The following GBE1 variants were observed in gnomAD, a reference collection of about 807,000 sequenced individuals.
GBE1 encodes 1,4-alpha-glucan branching enzyme 1, also known as 1,4-alpha-glucan-branching enzyme.
GBE1 carries 70 observed loss-of-function variants against 88.8 expected under a neutral mutation model. The observed-to-expected ratio is 0.79, with a 90% confidence interval of 0.65 to 0.96. GBE1 has a LOEUF of 0.96. Among genes scored for constraint, GBE1 ranks in the 40% least tolerant of loss-of-function variants. GBE1 has a pLI of 0.00. For missense variants in GBE1, 872 were observed against 871.0 expected (o/e 1.00, Z -0.01); for synonymous variants, 284 against 300.1 (o/e 0.95, Z 0.56).
At chr3:81,588,368 C>T (rs1003654983) in intron 9 of GBE1, among the ~76,000 whole-genome samples, 2 of 151,996 alleles carry the variant, frequency 1.3e-5, no homozygotes, top group African/African-American at 4.8e-5. Context: ...AGACACAATG[C>T]CTTCTGAAAA....
chr3:81,532,272 A>G (rs756934980), intron 14 of GBE1, among the ~76,000 whole-genome samples: 53 of 151,932 alleles, frequency 3.5e-4, no homozygotes, highest in Non-Finnish European at 6.5e-4. Flanking sequence ...AGGGAGGACA[A>G]TGGCTGGAGA....
Position 81,705,601 on chromosome 3 carries a change from A to G in GBE1, c.156T>C (p.Phe52=). ...AVDFQRRYKQ[F]SQILKNIGEN... Reference sequence around the variant, plus strand: ...CTCCAATGTTCTTCAAAATTTGGCTAAACTGCTTATACCTTTGAAGAAGTA... The same window carrying G: ...CTCCAATGTTCTTCAAAATTTGGCTGAACTGCTTATACCTTTGAAGAAGTA... The change falls in exon 2 of 16, where the codon TTT becomes TTC. Residue 52 remains phenylalanine, a synonymous_variant. Transcript: ENST00000429644. The G allele has an allele frequency of 6.4e-7, 1 of 1,558,734 alleles. No individual in the cohort carries two copies. Among genetic ancestry groups the G allele is most frequent in the East Asian group, 2.4e-5 (1 of 42,390 alleles).
chr3:81,529,699 G>T (rs1002880149), intron 14 of GBE1, among the ~76,000 whole-genome samples: 2 of 151,992 alleles, frequency 1.3e-5, no homozygotes. Context: ...GAGCTCCTTT[G>T]TATGTTATTT....
At chr3:81,529,670 T>C (rs1009772936) in intron 14 of GBE1, among the ~76,000 whole-genome samples, 1 of 152,104 alleles carries the variant, frequency 6.6e-6, no homozygotes, top group South Asian at 2.1e-4. Context: ...CACTGATAAG[T>C]ATGCGGCTAG....
chr3:81,735,620 T>C (rs1477230000), intron 1 of GBE1, among the ~76,000 whole-genome samples: 1 of 152,136 alleles, frequency 6.6e-6, no homozygotes, highest in African/African-American at 2.4e-5. Flanking sequence ...GGCACTGCGG[T>C]CCCCCCAGGG....
intron 10 of GBE1, among the ~76,000 whole-genome samples, chr3:81,581,753 A>T (rs1037519883): frequency 2.0e-5 from 3 of 152,128 alleles, no homozygotes; most frequent in Non-Finnish European, 4.4e-5. Context: ...AAAGTTAATT[A>T]TCATCAAATA....
At chr3:81,732,066 T>A (rs573815798) in intron 1 of GBE1, among the ~76,000 whole-genome samples, 2 of 152,232 alleles carry the variant, frequency 1.3e-5, no homozygotes, top group East Asian at 3.9e-4. Flanking sequence ...TACATCACCA[T>A]GAAGACAATT....
chr3:81,501,341 G>A (rs961837360), intron 14 of GBE1, among the ~76,000 whole-genome samples: 1 of 152,134 alleles, frequency 6.6e-6, no homozygotes, highest in Non-Finnish European at 1.5e-5. Context: ...CTGGTGACGA[G>A]AATGTCCTCC....
chr3:81,595,788 A>G (rs990800354), intron 7 of GBE1, among the ~76,000 whole-genome samples: 2 of 151,964 alleles, frequency 1.3e-5, no homozygotes, highest in African/African-American at 2.4e-5. Flanking sequence ...CAGGAAATAA[A>G]CTGTGTTTAA....
At chr3:81,586,481 T>C (rs1368347417) in intron 9 of GBE1, among the ~76,000 whole-genome samples, 1 of 152,184 alleles carries the variant, frequency 6.6e-6, no homozygotes, top group Non-Finnish European at 1.5e-5. Context: ...TAGTTTCTTA[T>C]TTTTGAACTA....
intron 2 of GBE1, among the ~76,000 whole-genome samples, chr3:81,701,501 GC>G (rs1159518688): frequency 6.6e-6 from 1 of 151,544 alleles, no homozygotes; most frequent in Non-Finnish European, 1.5e-5. Context: ...AAAGACCTTT[GC>G]AAATAAGAGG....
chr3:81,602,777 A>G (rs1184673239), intron 7 of GBE1, among the ~76,000 whole-genome samples: 1 of 152,200 alleles, frequency 6.6e-6, no homozygotes, highest in Non-Finnish European at 1.5e-5. Context: ...ATTTTGTGTG[A>G]CTGACTCCCT....
At chr3:81,709,156 T>TA (rs1380294983) in intron 1 of GBE1, among the ~76,000 whole-genome samples, 1 of 152,146 alleles carries the variant, frequency 6.6e-6, no homozygotes, top group African/African-American at 2.4e-5. Flanking sequence ...TTCAAGAACA[T>TA]AAAAAAATAC....
At chr3:81,610,850 C>T (rs1490507152) in intron 7 of GBE1, among the ~76,000 whole-genome samples, 1 of 152,018 alleles carries the variant, frequency 6.6e-6, no homozygotes, top group Non-Finnish European at 1.5e-5. Flanking sequence ...CAATTTAGCC[C>T]GTTAAAAACA....
chr3:81,750,644 T>C (rs538661343), intron 1 of GBE1, among the ~76,000 whole-genome samples: 1,983 of 50,870 alleles, frequency 0.039, 207 homozygotes, highest in Admixed American at 0.045. Flanking sequence ...TATATATATA[T>C]GTATATATAT....
chr3:81,717,177 C>T (rs1705949369), intron 1 of GBE1, among the ~76,000 whole-genome samples: 1 of 152,204 alleles, frequency 6.6e-6, no homozygotes, highest in East Asian at 1.9e-4. Flanking sequence ...TGAGCTAACA[C>T]AGTCTTAGTC....
intron 7 of GBE1, among the ~76,000 whole-genome samples, chr3:81,639,074 T>C (rs902792845): frequency 6.6e-6 from 1 of 152,182 alleles, no homozygotes; most frequent in East Asian, 1.9e-4. Flanking sequence ...ATTTAAAATA[T>C]GAAACATAAA....
intron 2 of GBE1, among the ~76,000 whole-genome samples, chr3:81,693,680 A>G (rs1705553205): frequency 6.6e-6 from 1 of 152,138 alleles, no homozygotes; most frequent in South Asian, 2.1e-4. Flanking sequence ...ATTGAATTTA[A>G]ATTCTGGATC....
intron 1 of GBE1, among the ~76,000 whole-genome samples, chr3:81,717,080 A>C (rs565270186): frequency 1.3e-5 from 2 of 152,282 alleles, no homozygotes; most frequent in South Asian, 4.1e-4. Context: ...TCTTTGCTAC[A>C]TGCTCTGCTG....
Sources: gnomAD v4.1 joint callset for allele counts (sites outside exome capture counted in the v4.1 genomes callset) on GRCh38, gnomAD v4.1.1 for gene constraint, MANE v1.5 for transcripts, NCBI Gene and HGNC (gene_info 2026-07-23, HGNC 2026-07-21) for gene names.